CNNM2: variants seen among roughly 807,000 people sequenced by gnomAD.
The protein encoded by CNNM2 is cyclin and CBS domain divalent metal cation transport mediator 2.
CNNM2 carries 12 observed loss-of-function variants against 66.9 expected under a neutral mutation model. The ratio of observed to expected loss-of-function variants is 0.18; its 90% confidence interval spans 0.11 to 0.29. The LOEUF is 0.29. Among genes scored for constraint, CNNM2 ranks in the 10% least tolerant of loss-of-function variants. CNNM2 has a pLI of 1.00. For missense variants in CNNM2, 705 were observed against 1,167.7 expected, an observed-to-expected ratio of 0.60 and a Z score of 5.77; for synonymous variants, 557 against 501.8, an observed-to-expected ratio of 1.11 and a Z score of -1.47.
chr10:103,065,741 C>T (rs950276017), intron 4 of CNNM2, among the ~76,000 whole-genome samples: 1 of 152,168 alleles, frequency 6.6e-6, no homozygotes, highest in Non-Finnish European at 1.5e-5. Context: ...GTCACGCAGC[C>T]ACTCTTGAGG....
At chr10:103,055,867 C>T (rs1390869302) in intron 3 of CNNM2, among the ~76,000 whole-genome samples, 3 of 152,048 alleles carry the variant, frequency 2.0e-5, no homozygotes, top group Non-Finnish European at 4.4e-5. Flanking sequence ...TTGGCGGGGC[C>T]AAGGCAGGCT....
In CNNM2 at chr10:102,919,982, C is replaced by T; in HGVS notation, c.1502C>T (p.Ala501Val). 1 of 1,614,240 alleles carries T rather than the reference C, an allele frequency of 6.2e-7. No homozygotes were observed. Among genetic ancestry groups the T allele is most frequent in the Non-Finnish European group, 8.5e-7 (1 of 1,180,046 alleles). ...GACCTGCTGTTTGTCAAAGACTTGG[C>T]CTTCGTGGATCCCGATGACTGTACC... ...IVDLLFVKDL[A>V]FVDPDDCTPL... The change falls in exon 1 of 8, where the codon GCC (alanine) becomes GTC (valine). Residue 501 changes from alanine to valine, a missense_variant. Physicochemically the swap from Ala to Val is moderately conservative, Grantham distance 64. Around this residue, in one of 9 missense-constraint regions of CNNM2, gnomAD observed 171 missense variants for 304.8 expected, o/e 0.56. Coordinates refer to ENST00000369878, the MANE Select transcript of CNNM2 (RefSeq NM_017649.5).
At chr10:103,042,200 A>T (rs944748139) in intron 1 of CNNM2, among the ~76,000 whole-genome samples, 2 of 151,922 alleles carry the variant, frequency 1.3e-5, no homozygotes, top group African/African-American at 4.8e-5. Flanking sequence ...CCATCAGCAA[A>T]TCCTGCTGGC....
chr10:103,001,278 A>T (rs1342739642), intron 1 of CNNM2, among the ~76,000 whole-genome samples: 2 of 152,166 alleles, frequency 1.3e-5, no homozygotes, highest in Admixed American at 1.3e-4. Flanking sequence ...AACAGTGTGA[A>T]TGTACTCAGT....
At chr10:102,937,891 T>C (rs1439142541) in intron 1 of CNNM2, among the ~76,000 whole-genome samples, 3 of 151,674 alleles carry the variant, frequency 2.0e-5, no homozygotes, top group Non-Finnish European at 4.4e-5. Flanking sequence ...TCCCAAAGTG[T>C]TGGGAGTATA....
chr10:103,056,928 C>A lies in CNNM2; in HGVS notation c.2037C>A (p.Arg679=). The A allele has an allele frequency of 6.2e-7, 1 of 1,613,546 alleles. No individual in the cohort carries two copies. Among genetic ancestry groups the A allele is most frequent in the Non-Finnish European group, 8.5e-7 (1 of 1,179,778 alleles). ...CCCCCGAATACTACCTCTACCAGCG[C>A]AACAAGCCAGTAGACTACTTCGTTC... ...KKAPEYYLYQ[R]NKPVDYFVLI... The change falls in exon 4 of 8, where the codon CGC becomes CGA. Residue 679 remains arginine (R), a synonymous_variant. Transcript: ENST00000369878.
At chr10:102,983,318 C>G (rs1430020806) in intron 1 of CNNM2, among the ~76,000 whole-genome samples, 1 of 147,656 alleles carries the variant, frequency 6.8e-6, no homozygotes, top group Non-Finnish European at 1.5e-5. Context: ...GCCTAGCTGT[C>G]TTTAAAATAT....
At chr10:103,051,356 G>C (rs553799886) in intron 2 of CNNM2, among the ~76,000 whole-genome samples, 1 of 151,396 alleles carries the variant, frequency 6.6e-6, no homozygotes, top group Non-Finnish European at 1.5e-5. Context: ...ACTTGAACCC[G>C]GGAGGCGGAG....
chr10:103,085,592 T>TG lies in CNNM2; in HGVS notation c.*8416dup, dbSNP rs2065797955. 1 of 152,226 alleles carries TG rather than the reference T, an allele frequency of 6.6e-6. No individual in the cohort carries two copies. Among genetic ancestry groups the TG allele is most frequent in the Admixed American group, 6.5e-5 (1 of 15,280 alleles). The allele number at this position is 152,226 out of a possible 1,614,324, so 9.4% of individuals were successfully genotyped here. ...GAGCTCCATGGGAGACCAGAACATC[T>TG]GGGGACATAGTTGTACCTAGTTATT... On this transcript the variant is annotated 3_prime_UTR_variant, in exon 8 of 8. Coordinates refer to ENST00000369878, the MANE Select transcript of CNNM2 (RefSeq NM_017649.5).
At position 103,090,045 on chromosome 10, in the gene CNNM2, A is replaced by G. The variant is rs987934551; in HGVS notation, c.*12865A>G. On this transcript the variant is annotated 3_prime_UTR_variant, in exon 8 of 8. Coordinates refer to ENST00000369878, the MANE Select transcript of CNNM2 (RefSeq NM_017649.5). ...CCACAGGACAAGTCAATATAGACTT[A>G]TCTTCATAGAACTACTTATAGTTGC... 3.5e-5 allele frequency: 21 copies of G among 593,074 alleles called. No homozygotes were observed. The South Asian group carries it at 5.9e-4, about 17-fold the overall frequency. The allele number at this position is 593,074 out of a possible 1,614,324, so 36.7% of individuals were successfully genotyped here.
At position 103,090,009 on chromosome 10, in the gene CNNM2, T is replaced by C; in HGVS notation, c.*12829T>C. 7.0e-6 allele frequency: 6 copies of C among 856,276 alleles called. No homozygotes were observed. The highest frequency in any genetic ancestry group is 8.9e-6 in the Non-Finnish European group (5 of 564,846). 53.0% of individuals were successfully genotyped at this position (856,276 alleles called of 1,614,324 possible). ...TCTGTTAGGTGGCCATGCAATTACA[T>C]CTATAATGGACCACAGGACAAGTCA... On this transcript the variant is annotated 3_prime_UTR_variant, in exon 8 of 8. Coordinates refer to ENST00000369878, the MANE Select transcript of CNNM2 (RefSeq NM_017649.5).
At chr10:102,998,069 A>C (rs999197516) in intron 1 of CNNM2, among the ~76,000 whole-genome samples, 1 of 151,872 alleles carries the variant, frequency 6.6e-6, no homozygotes, top group African/African-American at 2.4e-5. Context: ...ATTAAGTTAG[A>C]GTTAACAAAC....
intron 1 of CNNM2, among the ~76,000 whole-genome samples, chr10:103,018,237 G>GA (rs757873062): frequency 2.5e-4 from 38 of 152,046 alleles, no homozygotes; most frequent in African/African-American, 4.3e-4. Flanking sequence ...GGGGTGGTGA[G>GA]AAAAAATCAG....
At chr10:102,934,590 G>A (rs1309754332) in intron 1 of CNNM2, among the ~76,000 whole-genome samples, 1 of 151,838 alleles carries the variant, frequency 6.6e-6, no homozygotes, top group African/African-American at 2.4e-5. Flanking sequence ...CTGAGCCACC[G>A]GCCAAATCTA....
rs79319800 is a variant in CNNM2, at chr10:103,058,110, C to T, written c.2073+1146C>T. On this transcript the variant is annotated intron_variant, in intron 4 of 7. Transcript: ENST00000369878. The stretch of plus-strand genomic sequence containing the variant: ...GCAGGAGTGAGGAGTAGGAAAATGC[C>T]GAGGGTTAGCTGATTACATGTCACA... Among the ~76,000 whole-genome samples the T allele has an allele frequency of 1.1e-3, 162 of 152,236 alleles. 1 individual carries two copies. The highest frequency in any genetic ancestry group is 3.6e-3 in the African/African-American group (148 of 41,526).
intron 1 of CNNM2, among the ~76,000 whole-genome samples, chr10:102,924,249 C>T (rs911674850): frequency 5.3e-5 from 8 of 152,326 alleles, no homozygotes; most frequent in Middle Eastern, 3.4e-3. Context: ...CTGACAAAAC[C>T]GTCCTCACAA....
chr10:103,075,572 A>G (rs1052430170), intron 6 of CNNM2, among the ~76,000 whole-genome samples: 57 of 152,292 alleles, frequency 3.7e-4, no homozygotes, highest in Admixed American at 3.2e-3. Flanking sequence ...GGGGTCAGAG[A>G]CGAAGATAAT....
intron 1 of CNNM2, among the ~76,000 whole-genome samples, chr10:102,985,886 C>T (rs747722999): frequency 3.3e-5 from 5 of 152,186 alleles, no homozygotes; most frequent in African/African-American, 1.2e-4. Context: ...CATGTTCAGA[C>T]TTCAGAGTAT....
intron 1 of CNNM2, among the ~76,000 whole-genome samples, chr10:103,012,925 T>C (rs1313277189): frequency 6.6e-6 from 1 of 152,180 alleles, no homozygotes; most frequent in Non-Finnish European, 1.5e-5. Context: ...CCTTTTCCTA[T>C]CTTGCTTCAA....
Sources: allele counts gnomAD v4.1 joint callset (sites outside exome capture counted in the v4.1 genomes callset), GRCh38; gene constraint gnomAD v4.1.1; regional missense constraint gnomAD v4.1.1; transcripts MANE v1.5; gene names NCBI Gene and HGNC (gene_info 2026-07-23, HGNC 2026-07-21).